Variants in DPP10 observed in about 807,000 individuals in gnomAD.
DPP10 encodes dipeptidyl peptidase like 10.
A neutral mutation model predicts 120.9 loss-of-function variants in DPP10; 33 were observed. The ratio of observed to expected loss-of-function variants is 0.27; its 90% CI spans 0.21 to 0.37. The LOEUF is 0.37. Among genes scored for constraint, DPP10 ranks in the 10% least tolerant of loss-of-function variants. The probability of loss-of-function intolerance (pLI) is 1.00; values close to 1 mark genes in which losing one functional copy is unlikely to be tolerated. For missense variants in DPP10, 816 were observed against 942.8 expected, an observed-to-expected ratio of 0.87 and a Z score of 1.76; for synonymous variants, 337 against 326.1, an observed-to-expected ratio of 1.03 and a Z score of -0.36.
At chr2:114,750,641 A>G (rs113360509) in intron 1 of DPP10, among the ~76,000 whole-genome samples, 10 of 152,164 alleles carry the variant, frequency 6.6e-5, no homozygotes, top group African/African-American at 1.9e-4. Flanking sequence ...CCACATCAAT[A>G]CTTTTAACAC....
intron 1 of DPP10, among the ~76,000 whole-genome samples, chr2:114,932,653 G>A (rs931591099): frequency 6.6e-6 from 1 of 152,150 alleles, no homozygotes; most frequent in African/African-American, 2.4e-5. Flanking sequence ...GGGTTGGGAT[G>A]GGTGGCTGTA....
chr2:115,754,380 C>T (rs1472196026), intron 11 of DPP10, among the ~76,000 whole-genome samples: 1 of 152,114 alleles, frequency 6.6e-6, no homozygotes, highest in East Asian at 1.9e-4. Flanking sequence ...AAAACAACTA[C>T]TAAAAATTTT....
intron 3 of DPP10, among the ~76,000 whole-genome samples, chr2:115,417,076 C>A (rs886649677): frequency 6.6e-6 from 1 of 152,084 alleles, no homozygotes; most frequent in Non-Finnish European, 1.5e-5. Context: ...GCATATAAGA[C>A]TGATATGATC....
chr2:115,630,791 T>C (rs2085788308), intron 5 of DPP10, among the ~76,000 whole-genome samples: 1 of 152,228 alleles, frequency 6.6e-6, no homozygotes, highest in Non-Finnish European at 1.5e-5. Flanking sequence ...GATATGTTGC[T>C]GGATCCAGTT....
intron 3 of DPP10, among the ~76,000 whole-genome samples, chr2:115,485,586 C>A (rs1395343924): frequency 1.2e-5 from 1 of 80,390 alleles, no homozygotes; most frequent in Non-Finnish European, 3.0e-5. Context: ...TTAATTAAGT[C>A]TTACTTTATG....
chr2:115,232,290 T>G (rs1435866810), intron 1 of DPP10, among the ~76,000 whole-genome samples: 1 of 151,548 alleles, frequency 6.6e-6, no homozygotes, highest in African/African-American at 2.4e-5. Flanking sequence ...TAGTTACTAC[T>G]AAGAGAAATG....
intron 1 of DPP10, among the ~76,000 whole-genome samples, chr2:114,714,047 A>G (rs924533545): frequency 6.7e-6 from 1 of 149,244 alleles, no homozygotes; most frequent in African/African-American, 2.5e-5. Flanking sequence ...TAGACTTTGC[A>G]TGTGTTCCTG....
At chr2:114,896,093 A>G (rs1209016250) in intron 1 of DPP10, among the ~76,000 whole-genome samples, 1 of 152,054 alleles carries the variant, frequency 6.6e-6, no homozygotes, top group Non-Finnish European at 1.5e-5. Context: ...ATTGATCTAT[A>G]TCTCTGTTTT....
intron 4 of DPP10, among the ~76,000 whole-genome samples, chr2:115,514,964 G>A (rs1046526888): frequency 1.3e-5 from 2 of 151,726 alleles, no homozygotes; most frequent in Admixed American, 1.3e-4. Flanking sequence ...ACATTTATAT[G>A]TGTGTGTATG....
At chr2:114,577,784 C>T (rs1690178298) in intron 1 of DPP10, among the ~76,000 whole-genome samples, 1 of 152,152 alleles carries the variant, frequency 6.6e-6, no homozygotes, top group African/African-American at 2.4e-5. Context: ...TGTTCCCTAG[C>T]TGCTGGTGGT....
intron 1 of DPP10, among the ~76,000 whole-genome samples, chr2:115,151,412 T>C (rs939481396): frequency 4.9e-4 from 70 of 141,672 alleles, no homozygotes; most frequent in African/African-American, 1.7e-3. Flanking sequence ...TACTTTCTTA[T>C]ACTTTTTTTT....
chr2:115,378,036 G>A (rs908287290), intron 3 of DPP10, among the ~76,000 whole-genome samples: 1 of 152,018 alleles, frequency 6.6e-6, no homozygotes, highest in African/African-American at 2.4e-5. Context: ...GGCGATGCGG[G>A]CTGTTTTTTG....
chr2:115,240,544 T>C (rs2058224238), intron 1 of DPP10, among the ~76,000 whole-genome samples: 1 of 152,218 alleles, frequency 6.6e-6, no homozygotes, highest in Non-Finnish European at 1.5e-5. Context: ...CTTTGTCTGA[T>C]GGAGAGATTG....
chr2:115,724,876 G>A (rs1417038954), intron 7 of DPP10, among the ~76,000 whole-genome samples: 1 of 152,154 alleles, frequency 6.6e-6, no homozygotes, highest in Non-Finnish European at 1.5e-5. Flanking sequence ...GGCTAGAGAA[G>A]CAGTAAGACA....
intron 3 of DPP10, among the ~76,000 whole-genome samples, chr2:115,483,803 G>A (rs1012112102): frequency 2.0e-5 from 3 of 152,036 alleles, no homozygotes; most frequent in African/African-American, 7.2e-5. Context: ...CTCAACAGGA[G>A]ACTTGAAACT....
chr2:115,578,934 G>A (rs1168575546), intron 5 of DPP10, among the ~76,000 whole-genome samples: 2 of 152,146 alleles, frequency 1.3e-5, no homozygotes, highest in Non-Finnish European at 2.9e-5. Flanking sequence ...ATTCAGTCCT[G>A]AGTGGGATCT....
At chr2:114,897,684 G>A (rs556321301) in intron 1 of DPP10, among the ~76,000 whole-genome samples, 42 of 151,984 alleles carry the variant, frequency 2.8e-4, no homozygotes, top group African/African-American at 8.4e-4. Flanking sequence ...AAAAGTGGGC[G>A]AAGGACATGA....
chr2:114,738,341 G>A (rs1416055091), intron 1 of DPP10, among the ~76,000 whole-genome samples: 1 of 152,230 alleles, frequency 6.6e-6, no homozygotes, highest in Non-Finnish European at 1.5e-5. Context: ...TGAGCAGGCT[G>A]TCTGGTTGGA....
In DPP10 at chr2:114,974,151, C is replaced by A. The variant is rs1339964817; in HGVS notation, c.61-335088C>A. Among the ~76,000 whole-genome samples, 7 of 152,142 alleles carry A rather than the reference C, an allele frequency of 4.6e-5. No individual in the cohort carries two copies. The East Asian group carries it at 1.3e-3, about 29-fold the overall frequency. ...TGTGCAGTGTTTGTAAAGCTTACAG[C>A]AGTGAACAGTAATGTCCTAGGCCCT... On this transcript the variant is annotated intron_variant, in intron 1 of 25. Coordinates refer to ENST00000410059, the MANE Select transcript of DPP10 (RefSeq NM_020868.6).
Sources: gnomAD v4.1 joint callset for allele counts (sites outside exome capture counted in the v4.1 genomes callset) on GRCh38, gnomAD v4.1.1 for gene constraint, MANE v1.5 for transcripts, NCBI Gene and HGNC (gene_info 2026-07-23, HGNC 2026-07-21) for gene names.